SELE: variants seen among roughly 807,000 people sequenced by gnomAD.
SELE encodes E-selectin.
A neutral mutation model predicts 75.8 loss-of-function variants in SELE; 52 were observed. That is an observed-to-expected ratio of 0.69 (90% CI 0.55 to 0.86). The LOEUF is 0.86. Among genes scored for constraint, SELE ranks in the 40% least tolerant of loss-of-function variants. The probability of loss-of-function intolerance (pLI) is 0.00; values close to 1 mark genes in which losing one functional copy is unlikely to be tolerated. For synonymous variants in SELE, 285 were observed against 258.7 expected (o/e 1.10, Z -0.98); for missense variants, 754 against 732.7 (o/e 1.03, Z -0.34).
At chr1:169,728,683 G>A (rs1290559282) in intron 7 of SELE, among the ~76,000 whole-genome samples, 1 of 152,228 alleles carries the variant, frequency 6.6e-6, no homozygotes, top group Non-Finnish European at 1.5e-5. Flanking sequence ...GACAAGGCCA[G>A]TGCCTGATAG....
intron 5 of SELE, 106 bp downstream of exon 5, chr1:169,730,325 CA>C (rs60426343): frequency 0.3 from 291,225 of 986,194 alleles, 44,111 homozygotes; most frequent in East Asian, 0.57. Flanking sequence ...AAAACAAAAA[CA>C]AAAAAAAAAC....
chr1:169,730,412 G>T lies in SELE; in HGVS notation c.715+20C>A, dbSNP rs529319230. 3.7e-5 allele frequency: 57 copies of T among 1,561,638 alleles called. No individual in the cohort carries two copies. In the Admixed American group the frequency reaches 6.9e-4, roughly 19 times the overall value. On this transcript the variant is annotated intron_variant, in intron 5 of 13. Coordinates refer to ENST00000333360, the MANE Select transcript of SELE (RefSeq NM_000450.2). ...AGGGATGAGTTACAGAACGTTCTGT[G>T]CATTCTCAGAGGGATTTACCATTGC...
chr1:169,727,787 CA>C lies in SELE; in HGVS notation c.1419del (p.Glu474SerfsTer18). 6.2e-7 allele frequency: 1 copy of C among 1,614,172 alleles called. No homozygotes were observed. The highest frequency in any genetic ancestry group is 8.5e-7 in the Non-Finnish European group (1 of 1,180,024). ...EGFELHGSTQLECTSQGQWTE... is the reference protein window; with the variant it reads ...EGFELHGSTQXECTSQGQWTE... ...GTCCATTGTCCCTGAGATGTGCACT[CA>C]AGTTGAGTTGATCCATGTAATTCAA... On this transcript the variant is annotated frameshift_variant, in exon 9 of 14. Coordinates refer to ENST00000333360, the MANE Select transcript of SELE (RefSeq NM_000450.2). LOFTEE classifies it high-confidence loss of function.
In SELE at chr1:169,729,350, T is replaced by C; in HGVS notation, c.926A>G (p.Gln309Arg). The change falls in exon 7 of 14, where the codon CAG becomes CGG. Residue 309 changes from glutamine (Q) to arginine (R), a missense_variant. Gln to Arg is a conservative substitution (Grantham distance 43, BLOSUM62 1). Coordinates refer to ENST00000333360, the MANE Select transcript of SELE (RefSeq NM_000450.2). ...GCACCTCACAGAGCCATTCTGAGGC[T>C]GGCGGACGGCCCTGCATGTCACAGC... ...CKAVTCRAVRQPQNGSVRCSH... is the reference protein window; with the variant it reads ...CKAVTCRAVRRPQNGSVRCSH... The C allele has an allele frequency of 6.2e-7, 1 of 1,614,008 alleles. No individual in the cohort carries two copies. Among genetic ancestry groups the C allele is most frequent in the South Asian group, 1.1e-5 (1 of 91,074 alleles).
Position 169,729,346 on chromosome 1 carries a change from A to G in SELE, c.930T>C (p.Pro310=), listed in dbSNP as rs1379792113. 6.2e-6 allele frequency: 10 copies of G among 1,614,034 alleles called. No homozygotes were observed. The highest frequency in any genetic ancestry group is 8.5e-6 in the Non-Finnish European group (10 of 1,179,964). ...GGCTGCACCTCACAGAGCCATTCTG[A>G]GGCTGGCGGACGGCCCTGCATGTCA... The part of the protein sequence containing the change: ...KAVTCRAVRQ[P]QNGSVRCSHS... The change falls in exon 7 of 14, where the codon CCT becomes CCC. Residue 310 remains proline (P), a synonymous_variant. Coordinates refer to ENST00000333360, the MANE Select transcript of SELE (RefSeq NM_000450.2).
rs1342792320 is a variant in SELE at position 169,723,279 on chromosome 1, T to A, written c.*1246A>T. The A allele has an allele frequency of 6.6e-6, 1 of 152,212 alleles. No homozygotes were observed. The highest frequency in any genetic ancestry group is 1.5e-5 in the Non-Finnish European group (1 of 68,028). The allele number at this position is 152,212 out of a possible 1,614,324, so 9.4% of individuals were successfully genotyped here. On this transcript the variant is annotated 3_prime_UTR_variant, in exon 14 of 14. Transcript: ENST00000333360. ...ACAAATAGGGAATAACTATTAGACA[T>A]CTTCATTCGTTAAAAATCTACCAGA...
chr1:169,727,857 T>G lies in SELE; in HGVS notation c.1350A>C (p.Glu450Asp). ...AGGCACAAGAGGACTTGTAGGTGAA[T>G]TCTCCAATAGGGGAATGAGCACACC... ...LVRCAHSPIG[E>D]FTYKSSCAFS... The change falls in exon 9 of 14, where the codon GAA becomes GAC. Residue 450 changes from glutamate to aspartate, a missense_variant. Transcript: ENST00000333360. 6.2e-7 allele frequency: 1 copy of G among 1,614,158 alleles called. No homozygotes were observed. Among genetic ancestry groups the G allele is most frequent in the South Asian group, 1.1e-5 (1 of 91,078 alleles).
At position 169,729,489 on chromosome 1, in the gene SELE, T is replaced by C; in HGVS notation, c.900A>G (p.Lys300=). 6.2e-7 allele frequency: 1 copy of C among 1,614,018 alleles called. No homozygotes were observed. The highest frequency in any genetic ancestry group is 8.5e-7 in the Non-Finnish European group (1 of 1,179,886). The change falls in exon 6 of 14, where the codon AAA becomes AAG. Residue 300 remains lysine (K), a splice_region_variant and synonymous_variant. Transcript: ENST00000333360. ...GNWDNEKPTC[K]AVTCRAVRQP... is the part of the protein sequence containing the mutation. Reference sequence around the variant, plus strand: ...AGTCTCCATGTGGAACAACTCTACCTTTACACGTTGGCTTCTCGTTGTCCC... The same window carrying C: ...AGTCTCCATGTGGAACAACTCTACCCTTACACGTTGGCTTCTCGTTGTCCC...
intron 8 of SELE, 27 bp from the exon 9 acceptor site, chr1:169,727,954 A>T: frequency 1.9e-6 from 3 of 1,601,666 alleles, no homozygotes; most frequent in Non-Finnish European, 2.6e-6. Flanking sequence ...AGCACTTTAG[A>T]AGTTTGTTTG....
rs1648970354 is a variant in SELE at position 169,733,479 on chromosome 1, A to G, written c.37+97T>C. ...GTAGAGGTCAAGGATGCTGCCAGAT[A>G]TCCTGTGCAGGACAGCCCCAGACAA... On this transcript the variant is annotated intron_variant, in intron 2 of 13. Transcript: ENST00000333360. 3.2e-6 allele frequency: 4 copies of G among 1,230,896 alleles called. No homozygotes were observed. In the Admixed American group the frequency reaches 6.8e-5, roughly 21 times the overall value. 76.2% of individuals were successfully genotyped at this position (1,230,896 alleles called of 1,614,324 possible).
chr1:169,732,317 ATGTGTG>A (rs1648930000), intron 3 of SELE, among the ~76,000 whole-genome samples: 1 of 150,360 alleles, frequency 6.7e-6, no homozygotes, highest in Admixed American at 6.7e-5. Context: ...ACACACATAT[ATGTGTG>A]TATATGTGTG....
rs1447363751 is a variant in SELE, at chr1:169,728,337, A to G, written c.1091-91T>C. 24 of 1,169,668 alleles carry G rather than the reference A, an allele frequency of 2.1e-5. No individual in the cohort carries two copies. In the Admixed American group the frequency reaches 3.5e-4, roughly 17 times the overall value. The allele number at this position is 1,169,668 out of a possible 1,614,324, so 72.5% of individuals were successfully genotyped here. On this transcript the variant is annotated intron_variant, in intron 7 of 13. Transcript: ENST00000333360. Reference sequence around the variant, plus strand: ...AGTGAACCCAGTTCATTCAAGCAACACTTGGAGAACTGAAGATTCTTTATA... The same window carrying G: ...AGTGAACCCAGTTCATTCAAGCAACGCTTGGAGAACTGAAGATTCTTTATA...
Position 169,732,932 on chromosome 1 carries a change from T to C in SELE, c.104A>G (p.Glu35Gly), listed in dbSNP as rs1558016026. 3 of 1,613,494 alleles carry C rather than the reference T, an allele frequency of 1.9e-6. No homozygotes were observed. Among genetic ancestry groups the C allele is most frequent in the Middle Eastern group, 1.7e-4 (1 of 6,056 alleles). Residue 35 changes from glutamate (E) to glycine (G), a missense_variant, in exon 3 of 14, where the codon GAG (glutamate) becomes GGG (glycine). Physicochemically the swap from Glu to Gly is moderately conservative, Grantham distance 98 (BLOSUM62 -2). Coordinates refer to ENST00000333360, the MANE Select transcript of SELE (RefSeq NM_000450.2). The part of the protein sequence containing the change: ...NTSTEAMTYD[E>G]ASAYCQQRYT... ...CCTTTGCTGACAATAAGCACTGGCCTCATCATAAGTCATAGCTTCCGTGGA... is the reference window on the plus strand; with the variant it reads ...CCTTTGCTGACAATAAGCACTGGCCCCATCATAAGTCATAGCTTCCGTGGA...
chr1:169,733,361 T>C (rs922334036), intron 2 of SELE, among the ~76,000 whole-genome samples: 2 of 150,432 alleles, frequency 1.3e-5, no homozygotes, highest in Admixed American at 6.6e-5. Flanking sequence ...ATCTGGGAAA[T>C]AGGTCATTAT....
intron 4 of SELE, 123 bp downstream of exon 4, chr1:169,731,712 G>C: frequency 1.6e-6 from 1 of 626,308 alleles, no homozygotes; most frequent in South Asian, 1.9e-5. Flanking sequence ...CTCAGCTCAC[G>C]ATCACCATAT....
rs763171627 is a variant in SELE, at chr1:169,732,997, C to A, written c.39G>T (p.Val13=). The change falls in exon 3 of 14, where the codon GTG becomes GTT. Residue 13 remains valine, a splice_region_variant and synonymous_variant. Transcript: ENST00000333360. ...AGGCTCCACTCTCTTTAATGAGAAG[C>A]ACTAGTGGGAGAAAAAGAAAAGAAA... ...ASQFLSALTL[V]LLIKESGAWS... 2 of 1,560,592 alleles carry A rather than the reference C, an allele frequency of 1.3e-6. No homozygotes were observed. The highest frequency in any genetic ancestry group is 2.1e-5 in the Admixed American group (1 of 47,850).
intron 13 of SELE, among the ~76,000 whole-genome samples, chr1:169,725,164 G>T (rs1018465093): frequency 6.6e-6 from 1 of 152,126 alleles, no homozygotes; most frequent in Non-Finnish European, 1.5e-5. Flanking sequence ...AAGGCGGGTG[G>T]ATCAGGAGTT....
At chr1:169,727,663 C>CT in intron 9 of SELE, 76 bp downstream of exon 9, 3 of 1,553,934 alleles carry the variant, frequency 1.9e-6, no homozygotes, top group Non-Finnish European at 2.6e-6. Context: ...GACCAAACCC[C>CT]TTTGGGGCAA....
At chr1:169,729,411 A>G in intron 6 of SELE, 37 bp from the exon 7 acceptor site, 1 of 1,609,238 alleles carries the variant, frequency 6.2e-7, no homozygotes, top group Non-Finnish European at 8.5e-7. Flanking sequence ...AGCACGGCCT[A>G]GAATTAGCTT....
Sources: gnomAD v4.1 joint callset for allele counts (sites outside exome capture counted in the v4.1 genomes callset) on GRCh38, gnomAD v4.1.1 for gene constraint, MANE v1.5 for transcripts, NCBI Gene and HGNC (gene_info 2026-07-23, HGNC 2026-07-21) for gene names.